The following KALRN variants were observed in gnomAD, a reference collection of about 807,000 sequenced individuals.
KALRN encodes kalirin.
Under a neutral mutation model 353.7 loss-of-function variants are expected in KALRN, and 70 were observed. The ratio of observed to expected loss-of-function variants is 0.20; its 90% CI spans 0.16 to 0.24. The LOEUF (loss-of-function observed/expected upper bound fraction) is 0.24. Among genes scored for constraint, KALRN ranks in the 10% least tolerant of loss-of-function variants. KALRN has a pLI of 1.00. For missense variants in KALRN, 2,791 were observed against 3,756.7 expected (o/e 0.74, Z 6.72); for synonymous variants, 1,391 against 1,434.8 (o/e 0.97, Z 0.69).
At chr3:124,284,009 C>A (rs562986313) in intron 5 of KALRN, among the ~76,000 whole-genome samples, 11 of 152,126 alleles carry the variant, frequency 7.2e-5, no homozygotes, top group African/African-American at 2.2e-4. Flanking sequence ...ATATTATGAT[C>A]TTTATCTTCT....
At chr3:124,059,785 G>A (rs2041852812) in intron 1 of KALRN, among the ~76,000 whole-genome samples, 1 of 152,182 alleles carries the variant, frequency 6.6e-6, no homozygotes, top group South Asian at 2.1e-4. Flanking sequence ...TAAAGGAATG[G>A]AGTGTGGTTT....
chr3:124,441,198 C>G (rs1438041833), intron 18 of KALRN, among the ~76,000 whole-genome samples: 1 of 152,136 alleles, frequency 6.6e-6, no homozygotes, highest in Non-Finnish European at 1.5e-5. Flanking sequence ...TTTACTTGCT[C>G]AAGTCTAAGT....
intron 5 of KALRN, among the ~76,000 whole-genome samples, chr3:124,288,931 T>A (rs1034463355): frequency 2.2e-4 from 33 of 152,200 alleles, no homozygotes; most frequent in African/African-American, 8.0e-4. Context: ...ATATTAATAT[T>A]GAGTCCATAG....
rs573893492 is a variant in KALRN at position 124,482,311 on chromosome 3, A to G, written c.4192-497A>G. Among the ~76,000 whole-genome samples the G allele has an allele frequency of 5.9e-4, 90 of 152,314 alleles. 1 individual carries two copies. The South Asian group carries it at 0.016, about 28-fold the overall frequency. On this transcript the variant is annotated intron_variant, in intron 27 of 59. Transcript: ENST00000682506. ...GGATGTGTTAAATTTAAAGAGAAGG[A>G]TGGTATTAATAAAGGAGATATATCC... is the stretch of plus-strand genomic sequence containing the variant.
chr3:124,071,874 A>G (rs907202199), intron 1 of KALRN, among the ~76,000 whole-genome samples: 8 of 152,246 alleles, frequency 5.3e-5, no homozygotes, highest in African/African-American at 9.6e-5. Flanking sequence ...GAATATGTCC[A>G]TGTCACAACT....
intron 10 of KALRN, among the ~76,000 whole-genome samples, chr3:124,380,063 T>G (rs2087127102): frequency 1.3e-5 from 2 of 152,170 alleles, no homozygotes. Flanking sequence ...TTTTGAATAG[T>G]AAGGGTGACT....
intron 15 of KALRN, among the ~76,000 whole-genome samples, chr3:124,425,919 G>A (rs530351886): frequency 6.6e-6 from 1 of 152,110 alleles, no homozygotes; most frequent in Non-Finnish European, 1.5e-5. Context: ...TCATGAGTGG[G>A]AAGACAAAAA....
intron 18 of KALRN, 41 bp from the exon 19 acceptor site, chr3:124,441,904 C>T (rs766635951): frequency 3.9e-6 from 5 of 1,285,786 alleles, no homozygotes; most frequent in Non-Finnish European, 4.4e-6. Context: ...GGATTCCATA[C>T]ACCTGCTGGG....
chr3:124,456,643 G>A lies in KALRN; in HGVS notation c.3769G>A (p.Ala1257Thr), dbSNP rs749299134. Residue 1257 changes from alanine (A) to threonine (T), a missense_variant, in exon 23 of 60, where the codon GCA becomes ACA. Coordinates refer to ENST00000682506, the MANE Select transcript of KALRN (RefSeq NM_001388419.1). ...NKDLELDIIP[A>T]SLSDREVKLR... ...GGACCTGGAGCTGGATATTATCCCA[G>A]CAAGCCTTTCGGATCGGGAGGTCAA... 6.2e-7 allele frequency: 1 copy of A among 1,612,992 alleles called. No homozygotes were observed. Among genetic ancestry groups the A allele is most frequent in the African/African-American group, 1.3e-5 (1 of 74,874 alleles).
intron 27 of KALRN, among the ~76,000 whole-genome samples, chr3:124,480,311 C>CA (rs2061857630): frequency 1.3e-5 from 2 of 152,216 alleles, no homozygotes; most frequent in South Asian, 4.1e-4. Flanking sequence ...CAAATGGTGA[C>CA]AAAATTGCTA....
chr3:124,152,062 A>G, intron 1 of KALRN: 5 of 1,365,168 alleles, frequency 3.7e-6, no homozygotes, highest in Non-Finnish European at 5.2e-6. Flanking sequence ...CTCATGGAGA[A>G]GATAATTTAA....
At chr3:124,193,731 GT>G in intron 1 of KALRN, among the ~76,000 whole-genome samples, 1 of 151,744 alleles carries the variant, frequency 6.6e-6, no homozygotes, top group South Asian at 2.1e-4. Flanking sequence ...TTAACCTTTG[GT>G]ATATGCCCTC....
rs539494302 is a variant in KALRN, at chr3:124,561,889, C to T, written c.4936-954C>T. On this transcript the variant is annotated intron_variant, in intron 33 of 59. Coordinates refer to ENST00000682506, the MANE Select transcript of KALRN (RefSeq NM_001388419.1). ...TAGTTCTATGAGACAAACTAATAAC[C>T]GAATGGATTCTCATGGAAATATGAA... Among the ~76,000 whole-genome samples the T allele has an allele frequency of 5.9e-5, 9 of 152,154 alleles. No individual in the cohort carries two copies. The East Asian group carries it at 9.6e-4, about 16-fold the overall frequency.
chr3:124,516,769 CTTT>C (rs1362194063), intron 33 of KALRN, among the ~76,000 whole-genome samples: 3 of 150,222 alleles, frequency 2.0e-5, no homozygotes, highest in African/African-American at 7.3e-5. Flanking sequence ...ATTTAAAATT[CTTT>C]TTTTTGTTTC....
At chr3:124,517,489 T>A (rs937397292) in intron 33 of KALRN, among the ~76,000 whole-genome samples, 19 of 152,344 alleles carry the variant, frequency 1.2e-4, no homozygotes, top group Admixed American at 1.2e-3. Context: ...ATCCTGAACT[T>A]TTCTTTTGGC....
In KALRN at chr3:124,083,602, C is replaced by T. The variant is rs184263541; in HGVS notation, c.73+49789C>T. Among the ~76,000 whole-genome samples the T allele has an allele frequency of 2.6e-3, 400 of 152,286 alleles. 6 individuals carry two copies. The highest frequency in any genetic ancestry group is 3.2e-4 in the Non-Finnish European group (22 of 68,024). ...TTACATTTATGAAGTTATTTAAATA[C>T]TATTATCATCCCCATTTTACAGAAA... On this transcript the variant is annotated intron_variant, in intron 1 of 59. Transcript: ENST00000682506.
chr3:124,539,082 C>T (rs573239057), intron 33 of KALRN, among the ~76,000 whole-genome samples: 20 of 152,266 alleles, frequency 1.3e-4, no homozygotes, highest in African/African-American at 2.9e-4. Context: ...GATGGCTGCA[C>T]GTGCCACTCC....
chr3:124,080,688 G>T (rs537354993), intron 1 of KALRN, among the ~76,000 whole-genome samples: 2 of 152,224 alleles, frequency 1.3e-5, no homozygotes, highest in African/African-American at 4.8e-5. Flanking sequence ...CTTCTCTAGG[G>T]TAGATACAAA....
chr3:124,384,641 T>G, intron 10 of KALRN: 1 of 479,878 alleles, frequency 2.1e-6, no homozygotes, highest in East Asian at 3.2e-5. Context: ...CAGGGGTGGA[T>G]GAGGCACCTA....
Sources: gnomAD v4.1 joint callset for allele counts (sites outside exome capture counted in the v4.1 genomes callset) on GRCh38, gnomAD v4.1.1 for gene constraint, MANE v1.5 for transcripts, NCBI Gene and HGNC (gene_info 2026-07-23, HGNC 2026-07-21) for gene names.